The following SNX1 variants were observed in gnomAD, a reference collection of about 807,000 sequenced individuals.
The protein encoded by SNX1 is sorting nexin 1.
Under a neutral mutation model 71.8 loss-of-function variants are expected in SNX1, and 36 were observed. The ratio of observed to expected loss-of-function variants is 0.50; its 90% CI spans 0.38 to 0.66. SNX1 has a LOEUF of 0.66. Among genes scored for constraint, SNX1 ranks in the 30% least tolerant of loss-of-function variants. SNX1 has a pLI of 0.00. For missense variants in SNX1, 612 were observed against 646.7 expected, an observed-to-expected ratio of 0.95 and a Z score of 0.58; for synonymous variants, 254 against 240.7, an observed-to-expected ratio of 1.06 and a Z score of -0.51.
chr15:64,100,150 C>A (rs2080943685), intron 1 of SNX1, among the ~76,000 whole-genome samples: 1 of 152,202 alleles, frequency 6.6e-6, no homozygotes, highest in Admixed American at 6.5e-5. Context: ...CCCGTAATTT[C>A]CTGGGCATTG....
rs1392805476 is a variant in SNX1, at chr15:64,134,398, TGAGGCCACCTACTG to T, written c.1222-263_1222-250del. 1.5e-5 allele frequency: 7 copies of T among 457,522 alleles called. No homozygotes were observed. Among genetic ancestry groups the T allele is most frequent in the Non-Finnish European group, 2.8e-5 (7 of 253,844 alleles). The allele number at this position is 457,522 out of a possible 1,614,324, so 28.3% of individuals were successfully genotyped here. A position where few individuals can be genotyped will look rare whatever the true frequency, so the allele number is the denominator to read the frequency against. On this transcript the variant is annotated intron_variant, in intron 11 of 14. Coordinates refer to ENST00000559844, the MANE Select transcript of SNX1 (RefSeq NM_003099.5). The surrounding 1 kb of genome is among the most constrained non-coding windows in gnomAD (Gnocchi z 4.1). Reference sequence around the variant, plus strand: ...TAAGCCATAGTATTGGTCACTGGCATGAGGCCACCTACTGGATCCCTGCCATCCAGCCCTGGGAG... The same window carrying T: ...TAAGCCATAGTATTGGTCACTGGCATGATCCCTGCCATCCAGCCCTGGGAG...
At position 64,134,409 on chromosome 15, in the gene SNX1, A is replaced by G; in HGVS notation, c.1222-255A>G. On this transcript the variant is annotated intron_variant, in intron 11 of 14. Transcript: ENST00000559844. The surrounding 1 kb of genome is among the most constrained non-coding windows in gnomAD (Gnocchi z 4.1). The stretch of plus-strand genomic sequence containing the variant: ...ATTGGTCACTGGCATGAGGCCACCT[A>G]CTGGATCCCTGCCATCCAGCCCTGG... 1 of 482,156 alleles carries G rather than the reference A, an allele frequency of 2.1e-6. No homozygotes were observed. Among genetic ancestry groups the G allele is most frequent in the Non-Finnish European group, 3.7e-6 (1 of 268,594 alleles). The allele number at this position is 482,156 out of a possible 1,614,324, so 29.9% of individuals were successfully genotyped here. A position where few individuals can be genotyped will look rare whatever the true frequency, so the allele number is the denominator to read the frequency against.
At position 64,141,116 on chromosome 15, in the gene SNX1, A is replaced by G. The variant is rs907877226; in HGVS notation, c.*3498A>G. 1 of 152,244 alleles carries G rather than the reference A, an allele frequency of 6.6e-6. No individual in the cohort carries two copies. The highest frequency in any genetic ancestry group is 6.5e-5 in the Admixed American group (1 of 15,282). 9.4% of individuals were successfully genotyped at this position (152,244 alleles called of 1,614,324 possible). A position where few individuals can be genotyped will look rare whatever the true frequency, so the allele number is the denominator to read the frequency against. ...ACATAAATAGATACTAAAAATCATG[A>G]ATTCACACTGATGCTTTGAGACCAG... On this transcript the variant is annotated 3_prime_UTR_variant, in exon 15 of 15. Transcript: ENST00000559844. This position sits in a 1 kb window ranked among gnomAD's most constrained non-coding sequence, Gnocchi z 5.1.
rs574457370 is a variant in SNX1, at chr15:64,115,261, A to T, written c.271+2577A>T. 6.6e-5 allele frequency among the ~76,000 whole-genome samples: 10 copies of T among 152,282 alleles called. No homozygotes were observed. In the East Asian group the frequency reaches 1.9e-3, roughly 29 times the overall value. ...TCCCCTACTAGTTTTTTAAGTAGCCAATACCTGCCTCACTTCTAAGAAAGG... is the reference window on the plus strand; with the variant it reads ...TCCCCTACTAGTTTTTTAAGTAGCCTATACCTGCCTCACTTCTAAGAAAGG... On this transcript the variant is annotated intron_variant, in intron 2 of 14. Transcript: ENST00000559844.
At chr15:64,127,697 T>A (rs1301897341) in intron 7 of SNX1, 34 bp from the exon 8 acceptor site, 1 of 1,554,572 alleles carries the variant, frequency 6.4e-7, no homozygotes. Flanking sequence ...TGAGGCCAGC[T>A]CAACTAACCA....
At chr15:64,113,951 G>A (rs1167593317) in intron 2 of SNX1, among the ~76,000 whole-genome samples, 2 of 152,200 alleles carry the variant, frequency 1.3e-5, no homozygotes, top group Admixed American at 1.3e-4. Context: ...ATGTTTGAGT[G>A]GCAGTCAGTA....
rs756107616 is a variant in SNX1 at position 64,142,623 on chromosome 15, G to A, written c.*5005G>A. On this transcript the variant is annotated 3_prime_UTR_variant, in exon 15 of 15. Coordinates refer to ENST00000559844, the MANE Select transcript of SNX1 (RefSeq NM_003099.5). ...TCATGCTTGATAATTAAAATTTTCT[G>A]AGATAGGAATGTCATATTTACCTAT... is the stretch of plus-strand genomic sequence containing the variant. 2.9e-5 allele frequency: 13 copies of A among 455,912 alleles called. 1 individual carries two copies. Among genetic ancestry groups the A allele is most frequent in the South Asian group, 2.0e-4 (13 of 64,538 alleles). The allele number at this position is 455,912 out of a possible 1,614,324, so 28.2% of individuals were successfully genotyped here.
rs974223940 is a variant in SNX1, at chr15:64,129,488, T to C, written c.808-428T>C. ...TTCTTGTCCTCGGATATTTGTTCAC[T>C]GAAGAAAATTCGAACACAGCACGAT... On this transcript the variant is annotated intron_variant, in intron 8 of 14. Transcript: ENST00000559844. This position sits in a 1 kb window ranked among gnomAD's most constrained non-coding sequence, Gnocchi z 4.4. Among the ~76,000 whole-genome samples the C allele has an allele frequency of 6.6e-6, 1 of 152,220 alleles. No individual in the cohort carries two copies. Among genetic ancestry groups the C allele is most frequent in the Non-Finnish European group, 1.5e-5 (1 of 68,028 alleles).
In SNX1 at chr15:64,136,891, G is replaced by T. The variant is rs1167577685; in HGVS notation, c.1477G>T (p.Val493Leu). 6.2e-7 allele frequency: 1 copy of T among 1,613,858 alleles called. No individual in the cohort carries two copies. Among genetic ancestry groups the T allele is most frequent in the African/African-American group, 1.3e-5 (1 of 74,902 alleles). Residue 493 changes from valine (V) to leucine (L), a missense_variant, in exon 14 of 15, where the codon GTG becomes TTG. Physicochemically the swap from Val to Leu is conservative, Grantham distance 32. Coordinates refer to ENST00000559844, the MANE Select transcript of SNX1 (RefSeq NM_003099.5). ...GAAATCCAAGGACTTCAAGAACCAC[G>T]TGATCAAGTACCTTGAGACACTCCT... Reference protein sequence around the residue: ...KEKSKDFKNHVIKYLETLLYS... With the variant: ...KEKSKDFKNHLIKYLETLLYS...
chr15:64,106,065 TTAAA>T (rs1480489721), intron 1 of SNX1, among the ~76,000 whole-genome samples: 3 of 152,170 alleles, frequency 2.0e-5, no homozygotes, highest in Non-Finnish European at 2.9e-5. Context: ...AATAACATAC[TTAAA>T]TAGAGATGAG....
intron 1 of SNX1, among the ~76,000 whole-genome samples, chr15:64,105,714 T>G (rs1255431478): frequency 6.6e-6 from 1 of 152,214 alleles, no homozygotes; most frequent in Non-Finnish European, 1.5e-5. Flanking sequence ...GTTGGGAAAT[T>G]AAACCAGAGA....
chr15:64,127,106 A>C (rs1284204686), intron 6 of SNX1, 68 bp from the exon 7 acceptor site: 1 of 307,404 alleles, frequency 3.3e-6, no homozygotes, highest in East Asian at 1.1e-4. Flanking sequence ...GTTGACACTT[A>C]AAAAAAAAAA....
rs2081153006 is a variant in SNX1 at position 64,118,224 on chromosome 15, C to A, written c.379C>A (p.Pro127Thr). ...PPQEATNSSK[P>T]QPTYEELEEE... ...TCAGGAAGCCACAAATTCTTCGAAG[C>A]CCCAGCCAACCTATGAGGAGGTGAG... The change falls in exon 3 of 15, where the codon CCC becomes ACC. Residue 127 changes from proline (P) to threonine (T), a missense_variant. By Grantham distance (38) the Pro-to-Thr change is conservative. Transcript: ENST00000559844. 6.2e-7 allele frequency: 1 copy of A among 1,613,056 alleles called. No individual in the cohort carries two copies. Among genetic ancestry groups the A allele is most frequent in the African/African-American group, 1.3e-5 (1 of 74,838 alleles).
intron 4 of SNX1, among the ~76,000 whole-genome samples, chr15:64,120,826 G>A (rs1017713942): frequency 2.0e-5 from 3 of 152,142 alleles, no homozygotes; most frequent in Admixed American, 6.5e-5. Flanking sequence ...GGGTAACAGA[G>A]TGAGATCCTG....
Position 64,138,013 on chromosome 15 carries a change from G to T in SNX1, c.*395G>T. ...AAAATATTTTAAAATCAGGTCACAT[G>T]ACTCAGAATGTTGGTGGTTTTTGCT... is the stretch of plus-strand genomic sequence containing the variant. On this transcript the variant is annotated 3_prime_UTR_variant, in exon 15 of 15. Coordinates refer to ENST00000559844, the MANE Select transcript of SNX1 (RefSeq NM_003099.5). 1 of 1,500,072 alleles carries T rather than the reference G, an allele frequency of 6.7e-7. No individual in the cohort carries two copies. The highest frequency in any genetic ancestry group is 1.3e-5 in the South Asian group (1 of 77,812). 92.9% of individuals were successfully genotyped at this position (1,500,072 alleles called of 1,614,324 possible).
intron 1 of SNX1, among the ~76,000 whole-genome samples, chr15:64,108,085 T>G (rs1054999021): frequency 2.0e-5 from 3 of 151,356 alleles, no homozygotes; most frequent in African/African-American, 7.3e-5. Context: ...CCCAGCTACT[T>G]GGGAGGCTGA....
chr15:64,122,989 T>C (rs2081211063), intron 4 of SNX1, among the ~76,000 whole-genome samples: 1 of 151,660 alleles, frequency 6.6e-6, no homozygotes, highest in Non-Finnish European at 1.5e-5. Context: ...GAGGTCAGTG[T>C]CCCCCCCGGC....
chr15:64,096,163 C>G lies in SNX1; in HGVS notation c.150C>G (p.Ala50=), dbSNP rs752727937. 1.2e-4 allele frequency: 190 copies of G among 1,550,676 alleles called. No homozygotes were observed. Among genetic ancestry groups the G allele is most frequent in the Middle Eastern group, 1.8e-4 (1 of 5,692 alleles). ...DTEGEDIFTG[A]AVVSKHQSPK... is the part of the protein sequence containing the mutation. Reference sequence around the variant, plus strand: ...AGGGGGAGGACATTTTCACCGGCGCCGCGGTGGTCGTGAGTTTGCACCCCT... The same window carrying G: ...AGGGGGAGGACATTTTCACCGGCGCGGCGGTGGTCGTGAGTTTGCACCCCT... The change falls in exon 1 of 15, where the codon GCC becomes GCG. Residue 50 remains alanine, a synonymous_variant. Coordinates refer to ENST00000559844, the MANE Select transcript of SNX1 (RefSeq NM_003099.5).
At chr15:64,130,127 A>T in intron 9 of SNX1, 98 bp downstream of exon 9, 1 of 1,470,936 alleles carries the variant, frequency 6.8e-7, no homozygotes, top group Non-Finnish European at 9.4e-7. Context: ...AAACTTTTTT[A>T]TAAGATTTTT....
Sources: allele counts gnomAD v4.1 joint callset (sites outside exome capture counted in the v4.1 genomes callset), GRCh38; gene constraint gnomAD v4.1.1; non-coding constraint Gnocchi (gnomAD v3.1); transcripts MANE v1.5; gene names NCBI Gene and HGNC (gene_info 2026-07-23, HGNC 2026-07-21).